Variants in RSRC1 observed in about 807,000 individuals in gnomAD.
RSRC1 encodes the protein arginine and serine rich coiled-coil 1.
Under a neutral mutation model 49.1 loss-of-function variants are expected in RSRC1, and 39 were observed. The observed-to-expected ratio is 0.79, with a 90% confidence interval of 0.61 to 1.04. RSRC1 has a LOEUF of 1.04. Among genes scored for constraint, RSRC1 ranks in the 50% least tolerant of loss-of-function variants. The pLI, the probability that RSRC1 is intolerant of heterozygous loss-of-function variation, is 0.00. For missense variants in RSRC1, 388 were observed against 402.4 expected (o/e 0.96, Z 0.31); for synonymous variants, 143 against 130.8 (o/e 1.09, Z -0.63).
chr3:158,323,683 C>G (rs1276351068), intron 5 of RSRC1, among the ~76,000 whole-genome samples: 1 of 152,158 alleles, frequency 6.6e-6, no homozygotes, highest in African/African-American at 2.4e-5. Flanking sequence ...ACTTGCTGTT[C>G]TTACTAGATA....
At chr3:158,307,683 G>A (rs1015663622) in intron 5 of RSRC1, among the ~76,000 whole-genome samples, 2 of 151,950 alleles carry the variant, frequency 1.3e-5, no homozygotes, top group African/African-American at 2.4e-5. Flanking sequence ...TTCAAGCAAT[G>A]TAATTTCATT....
chr3:158,383,363 G>T (rs1732805556), intron 6 of RSRC1, among the ~76,000 whole-genome samples: 1 of 147,458 alleles, frequency 6.8e-6, no homozygotes, highest in Non-Finnish European at 1.5e-5. Context: ...TTATATAAGG[G>T]ACTTGAGTAT....
intron 4 of RSRC1, among the ~76,000 whole-genome samples, chr3:158,261,404 A>T (rs763196796): frequency 6.6e-6 from 1 of 152,148 alleles, no homozygotes; most frequent in Non-Finnish European, 1.5e-5. Context: ...TCACCTATAT[A>T]TATATTCCTT....
At position 158,540,654 on chromosome 3, in the gene RSRC1, C is replaced by T. The variant is rs181774682; in HGVS notation, c.760-2681C>T. Among the ~76,000 whole-genome samples the T allele has an allele frequency of 4.6e-5, 7 of 152,230 alleles. No individual in the cohort carries two copies. The East Asian group carries it at 1.4e-3, about 29-fold the overall frequency. ...TTGTCTCCTCTTCACAATCCACAGC[C>T]ACCATTTAAATCCACATCATCATCT... On this transcript the variant is annotated intron_variant, in intron 8 of 9. Transcript: ENST00000611884.
intron 6 of RSRC1, among the ~76,000 whole-genome samples, chr3:158,391,748 A>G (rs1733309160): frequency 6.6e-6 from 1 of 152,126 alleles, no homozygotes; most frequent in Admixed American, 6.6e-5. Flanking sequence ...AGCAAGAAAA[A>G]TAATAGAGTG....
chr3:158,338,142 T>C (rs1730024065), intron 5 of RSRC1, among the ~76,000 whole-genome samples: 1 of 152,176 alleles, frequency 6.6e-6, no homozygotes, highest in Non-Finnish European at 1.5e-5. Flanking sequence ...CATCCTCATC[T>C]ATGAAATATG....
intron 4 of RSRC1, among the ~76,000 whole-genome samples, chr3:158,294,122 T>G (rs1339429675): frequency 6.6e-6 from 1 of 152,134 alleles, no homozygotes; most frequent in Non-Finnish European, 1.5e-5. Flanking sequence ...TTCCATTTTT[T>G]TTAACCCTCC....
intron 7 of RSRC1, chr3:158,469,714 G>A (rs1738042402): frequency 6.6e-6 from 1 of 152,176 alleles, no homozygotes; most frequent in Non-Finnish European, 1.5e-5. Flanking sequence ...TTCACATCAA[G>A]AGAACAAGTT....
intron 6 of RSRC1, among the ~76,000 whole-genome samples, chr3:158,374,123 AG>A (rs755511513): frequency 1.3e-5 from 2 of 152,050 alleles, no homozygotes; most frequent in African/African-American, 4.8e-5. Context: ...TTTGAATACA[AG>A]GGGGAAAGCT....
At chr3:158,383,077 A>G (rs1732786637) in intron 6 of RSRC1, among the ~76,000 whole-genome samples, 1 of 152,216 alleles carries the variant, frequency 6.6e-6, no homozygotes, top group Non-Finnish European at 1.5e-5. Flanking sequence ...ATTTCTGACA[A>G]GGAAGACATG....
intron 8 of RSRC1, among the ~76,000 whole-genome samples, chr3:158,541,029 G>T (rs765639063): frequency 4.6e-5 from 7 of 152,216 alleles, no homozygotes; most frequent in African/African-American, 1.2e-4. Context: ...CCCATGCAGA[G>T]TGGTGATGTG....
intron 7 of RSRC1, among the ~76,000 whole-genome samples, chr3:158,497,685 T>C (rs1223646055): frequency 1.3e-5 from 2 of 152,230 alleles, no homozygotes; most frequent in East Asian, 3.9e-4. Context: ...TCCGCCTGCC[T>C]CAGCCTCCCA....
Position 158,224,415 on chromosome 3 carries a change from T to C in RSRC1, c.494+21170T>C, listed in dbSNP as rs557416182. 5.9e-5 allele frequency among the ~76,000 whole-genome samples: 9 copies of C among 151,990 alleles called. No homozygotes were observed. In the South Asian group the frequency reaches 1.9e-3, roughly 31 times the overall value. On this transcript the variant is annotated intron_variant, in intron 4 of 9. Transcript: ENST00000611884. ...TCTGCTTTCATCTGTATGTTTATAA[T>C]AGTGTTCAATATATTATATAAATGG...
rs768375217 is a variant in RSRC1, at chr3:158,124,042, A to C, written c.320+51A>C. The C allele has an allele frequency of 8.9e-6, 11 of 1,239,606 alleles. No individual in the cohort carries two copies. In the African/African-American group the frequency reaches 1.1e-4, roughly 12 times the overall value. The allele number at this position is 1,239,606 out of a possible 1,614,324, so 76.8% of individuals were successfully genotyped here. A position where few individuals can be genotyped will look rare whatever the true frequency, so the allele number is the denominator to read the frequency against. On this transcript the variant is annotated intron_variant, in intron 3 of 9. Transcript: ENST00000611884. Reference sequence around the variant, plus strand: ...TTTGTAACAAATTATTCCCAAATTCAGCGATGTAAAGCAACAATCATTTAT... The same window carrying C: ...TTTGTAACAAATTATTCCCAAATTCCGCGATGTAAAGCAACAATCATTTAT...
At chr3:158,362,966 T>C (rs1205545038) in intron 6 of RSRC1, among the ~76,000 whole-genome samples, 1 of 152,236 alleles carries the variant, frequency 6.6e-6, no homozygotes, top group African/African-American at 2.4e-5. Context: ...ATATTTCTAA[T>C]GTTATAAGAA....
chr3:158,351,581 A>G (rs1210200704), intron 5 of RSRC1, among the ~76,000 whole-genome samples: 1 of 152,166 alleles, frequency 6.6e-6, no homozygotes, highest in Non-Finnish European at 1.5e-5. Context: ...TACTGGGTCA[A>G]GTGTATTATT....
In RSRC1 at chr3:158,224,792, A is replaced by AT. The variant is rs1559950139; in HGVS notation, c.494+21552dup. On this transcript the variant is annotated intron_variant, in intron 4 of 9. Coordinates refer to ENST00000611884, the MANE Select transcript of RSRC1 (RefSeq NM_001271838.2). ...TTCAACTAGTATTTTAGATATAATT[A>AT]TTTTTATGAACAAGCTATGAAATGT... 2.6e-5 allele frequency among the ~76,000 whole-genome samples: 4 copies of AT among 151,958 alleles called. No homozygotes were observed. The South Asian group carries it at 8.3e-4, about 31-fold the overall frequency.
At chr3:158,413,618 A>G (rs1578444386) in intron 6 of RSRC1, among the ~76,000 whole-genome samples, 1 of 150,330 alleles carries the variant, frequency 6.7e-6, no homozygotes, top group African/African-American at 2.5e-5. Context: ...TCCAGAATGT[A>G]CAAGAAACGT....
chr3:158,545,056 T>C lies in RSRC1; in HGVS notation c.*781T>C, dbSNP rs1294405858. ...GTTTTGATAAGGCTATCTGCCATTG[T>C]AGAATACCTTTCTCTAGTAGCTGAA... On this transcript the variant is annotated 3_prime_UTR_variant, in exon 10 of 10. Coordinates refer to ENST00000611884, the MANE Select transcript of RSRC1 (RefSeq NM_001271838.2). The C allele has an allele frequency of 1.3e-5, 2 of 152,206 alleles. No individual in the cohort carries two copies. Among genetic ancestry groups the C allele is most frequent in the African/African-American group, 2.4e-5 (1 of 41,464 alleles). The allele number at this position is 152,206 out of a possible 1,614,324, so 9.4% of individuals were successfully genotyped here.
Sources: allele counts gnomAD v4.1 joint callset (sites outside exome capture counted in the v4.1 genomes callset), GRCh38; gene constraint gnomAD v4.1.1; transcripts MANE v1.5; gene names NCBI Gene and HGNC (gene_info 2026-07-23, HGNC 2026-07-21).